ABRAXAS2: variants seen among roughly 807,000 people sequenced by gnomAD.
ABRAXAS2 encodes the protein abraxas 2, BRISC complex subunit, also known as BRISC complex subunit Abraxas 2.
A neutral mutation model predicts 49.0 loss-of-function variants in ABRAXAS2; 23 were observed. The observed-to-expected ratio is 0.47, with a 90% CI of 0.34 to 0.66. The LOEUF (loss-of-function observed/expected upper bound fraction) is 0.66, where lower values mean the gene tolerates loss of function less well. Among genes scored for constraint, ABRAXAS2 ranks in the 30% least tolerant of loss-of-function variants. ABRAXAS2 has a pLI of 0.01. For missense variants in ABRAXAS2, 443 were observed against 511.9 expected, an observed-to-expected ratio of 0.87 and a Z score of 1.30; for synonymous variants, 168 against 180.2, an observed-to-expected ratio of 0.93 and a Z score of 0.54.
At chr10:124,829,341 T>A in intron 6 of ABRAXAS2, 52 bp from the exon 7 acceptor site, 2 of 1,252,594 alleles carry the variant, frequency 1.6e-6, no homozygotes, top group Non-Finnish European at 2.3e-6. Context: ...GCCTTTCCAT[T>A]TCACCGCAGT....
chr10:124,823,339 C>T (rs1291161917), intron 4 of ABRAXAS2, among the ~76,000 whole-genome samples: 1 of 152,128 alleles, frequency 6.6e-6, no homozygotes, highest in Non-Finnish European at 1.5e-5. Flanking sequence ...AAATGTTAGG[C>T]TTAAGATAGA....
chr10:124,807,417 C>T (rs1021103483), intron 2 of ABRAXAS2, among the ~76,000 whole-genome samples: 5 of 151,188 alleles, frequency 3.3e-5, no homozygotes, highest in Non-Finnish European at 7.4e-5. Flanking sequence ...CTTTGGGAGG[C>T]TGAGGCAGGT....
chr10:124,831,914 G>C (rs986035402), intron 8 of ABRAXAS2, among the ~76,000 whole-genome samples: 1 of 142,296 alleles, frequency 7.0e-6, no homozygotes, highest in Non-Finnish European at 1.5e-5. Flanking sequence ...AGTCAGTGGC[G>C]TGATCTTGGC....
In ABRAXAS2 at chr10:124,835,087, A is replaced by G. The variant is rs1950961648; in HGVS notation, c.*116A>G. The G allele has an allele frequency of 5.3e-6, 4 of 756,888 alleles. No homozygotes were observed. In the East Asian group the frequency reaches 1.1e-4, roughly 20 times the overall value. The allele number at this position is 756,888 out of a possible 1,614,324, so 46.9% of individuals were successfully genotyped here. A position where few individuals can be genotyped will look rare whatever the true frequency, so the allele number is the denominator to read the frequency against. ...TTCTCAGATACCTTAACTCCCGAGA[A>G]GAGAGTCCTTGTGCACAGAACTTGT... On this transcript the variant is annotated 3_prime_UTR_variant, in exon 9 of 9. Transcript: ENST00000298492.
At chr10:124,802,008 A>T in intron 1 of ABRAXAS2, 107 bp downstream of exon 1, 1 of 1,144,488 alleles carries the variant, frequency 8.7e-7, no homozygotes, top group Non-Finnish European at 1.2e-6. Context: ...CCTGGGCACC[A>T]GGGCCGGCCG....
At chr10:124,816,994 A>G (rs1380696926) in intron 3 of ABRAXAS2, among the ~76,000 whole-genome samples, 1 of 152,252 alleles carries the variant, frequency 6.6e-6, no homozygotes, top group Non-Finnish European at 1.5e-5. Flanking sequence ...AAGTGAATAC[A>G]GTAGTCCCTG....
At chr10:124,821,665 T>C (rs1297766917) in intron 4 of ABRAXAS2, among the ~76,000 whole-genome samples, 3 of 152,140 alleles carry the variant, frequency 2.0e-5, no homozygotes, top group South Asian at 2.1e-4. Context: ...CGAGATACTA[T>C]TTTTTGCCCA....
Position 124,819,396 on chromosome 10 carries a change from C to T in ABRAXAS2, c.213C>T (p.Tyr71=), listed in dbSNP as rs374553426. 21 of 1,613,652 alleles carry T rather than the reference C, an allele frequency of 1.3e-5. No individual in the cohort carries two copies. Among genetic ancestry groups the T allele is most frequent in the Middle Eastern group, 3.3e-4 (2 of 6,082 alleles). The change falls in exon 4 of 9, where the codon TAC becomes TAT. Residue 71 remains tyrosine (Y), a synonymous_variant. Transcript: ENST00000298492. ...PCSKLFSFYD[Y]ASKVNEESLD... The stretch of plus-strand genomic sequence containing the variant: ...TTCTCTTAAACAGTTTTTATGACTA[C>T]GCAAGCAAAGTGAATGAGGAGAGTT...
chr10:124,809,598 A>G (rs923590160), intron 2 of ABRAXAS2, among the ~76,000 whole-genome samples: 2 of 151,324 alleles, frequency 1.3e-5, no homozygotes, highest in East Asian at 4.0e-4. Context: ...AAGGGTGTGT[A>G]TTGAAGTTAG....
intron 4 of ABRAXAS2, among the ~76,000 whole-genome samples, chr10:124,820,150 C>T (rs944334908): frequency 1.3e-5 from 2 of 152,192 alleles, no homozygotes; most frequent in Non-Finnish European, 2.9e-5. Context: ...TATATTAAAA[C>T]AACAGCCATT....
At chr10:124,821,181 G>A (rs925200635) in intron 4 of ABRAXAS2, among the ~76,000 whole-genome samples, 1 of 152,082 alleles carries the variant, frequency 6.6e-6, no homozygotes, top group Non-Finnish European at 1.5e-5. Context: ...CCCAAGTGCT[G>A]GGATTACAGG....
chr10:124,823,964 C>T lies in ABRAXAS2; in HGVS notation c.268-2631C>T, dbSNP rs183476507. Among the ~76,000 whole-genome samples, 744 of 152,288 alleles carry T rather than the reference C, an allele frequency of 4.9e-3. 7 individuals carry two copies. The highest frequency in any genetic ancestry group is 8.5e-3 in the Non-Finnish European group (579 of 68,020). Reference sequence around the variant, plus strand: ...AGACAGAGTCTTGCTCTGTTAGCCACCCTGGTACAATGGCATGATCACAGC... The same window carrying T: ...AGACAGAGTCTTGCTCTGTTAGCCATCCTGGTACAATGGCATGATCACAGC... On this transcript the variant is annotated intron_variant, in intron 4 of 8. Transcript: ENST00000298492.
At chr10:124,829,622 G>A (rs1346845053) in intron 7 of ABRAXAS2, 145 bp downstream of exon 7, 2 of 587,556 alleles carry the variant, frequency 3.4e-6, no homozygotes, top group Non-Finnish European at 5.9e-6. Context: ...GAGTCAAGCT[G>A]TGGAATAATG....
intron 2 of ABRAXAS2, among the ~76,000 whole-genome samples, chr10:124,807,792 A>G (rs1950757174): frequency 6.6e-6 from 1 of 152,172 alleles, no homozygotes; most frequent in Non-Finnish European, 1.5e-5. Context: ...CACTTGATTG[A>G]TAGTCTCTTT....
rs922217011 is a variant in ABRAXAS2, at chr10:124,829,478, G to A, written c.663+1G>A. ...TAATGCACTTCAGGAGAAAGTTCAGGTAACTGATTTATTTATTAGTTTTCA... is the reference window on the plus strand; with the variant it reads ...TAATGCACTTCAGGAGAAAGTTCAGATAACTGATTTATTTATTAGTTTTCA... On this transcript the variant is annotated splice_donor_variant, in intron 7 of 8. Coordinates refer to ENST00000298492, the MANE Select transcript of ABRAXAS2 (RefSeq NM_032182.4). LOFTEE classifies it high-confidence loss of function. 2 of 1,582,228 alleles carry A rather than the reference G, an allele frequency of 1.3e-6. No homozygotes were observed. The highest frequency in any genetic ancestry group is 2.2e-5 in the East Asian group (1 of 44,654).
rs370937257 is a variant in ABRAXAS2 at position 124,834,659 on chromosome 10, C to T, written c.936C>T (p.His312=). The change falls in exon 9 of 9, where the codon CAC becomes CAT. Residue 312 remains histidine, a synonymous_variant. Coordinates refer to ENST00000298492, the MANE Select transcript of ABRAXAS2 (RefSeq NM_032182.4). ...SDPPPPYSDF[H]PNNQESTLSH... is the part of the protein sequence containing the mutation. ...CTCCTCCCCCTTACTCTGATTTTCACCCAAACAATCAAGAAAGTACTTTGA... is the reference window on the plus strand; with the variant it reads ...CTCCTCCCCCTTACTCTGATTTTCATCCAAACAATCAAGAAAGTACTTTGA... The T allele has an allele frequency of 1.9e-6, 3 of 1,614,070 alleles. No individual in the cohort carries two copies. The highest frequency in any genetic ancestry group is 1.1e-5 in the South Asian group (1 of 91,080).
intron 2 of ABRAXAS2, among the ~76,000 whole-genome samples, chr10:124,807,772 G>A (rs1950756876): frequency 1.3e-5 from 2 of 152,130 alleles, no homozygotes; most frequent in Non-Finnish European, 2.9e-5. Context: ...TCACTGAATT[G>A]CTGTGTGACC....
chr10:124,834,827 T>C lies in ABRAXAS2; in HGVS notation c.1104T>C (p.Ser368=), dbSNP rs1459676403. The C allele has an allele frequency of 1.2e-6, 2 of 1,614,024 alleles. No individual in the cohort carries two copies. Among genetic ancestry groups the C allele is most frequent in the Non-Finnish European group, 8.5e-7 (1 of 1,180,006 alleles). ...LPPPQRAAGD[S]GEDSDDSDYE... Reference sequence around the variant, plus strand: ...CTCCCCAAAGAGCAGCTGGAGACAGTGGTGAGGATTCAGACGACAGTGATT... The same window carrying C: ...CTCCCCAAAGAGCAGCTGGAGACAGCGGTGAGGATTCAGACGACAGTGATT... The change falls in exon 9 of 9, where the codon AGT becomes AGC. Residue 368 remains serine, a synonymous_variant. Transcript: ENST00000298492.
At chr10:124,828,719 G>A in intron 5 of ABRAXAS2, 37 bp from the exon 6 acceptor site, 11 of 1,599,056 alleles carry the variant, frequency 6.9e-6, no homozygotes, top group East Asian at 2.2e-5. Flanking sequence ...TGATAGAATG[G>A]TACATTTAAC....
Sources: allele counts gnomAD v4.1 joint callset (sites outside exome capture counted in the v4.1 genomes callset), GRCh38; gene constraint gnomAD v4.1.1; transcripts MANE v1.5; gene names NCBI Gene and HGNC (gene_info 2026-07-23, HGNC 2026-07-21).